Variants in NUP98 observed in about 807,000 individuals in gnomAD.
NUP98 encodes nuclear pore complex protein Nup98-Nup96.
A neutral mutation model predicts 191.9 loss-of-function variants in NUP98; 26 were observed. The observed-to-expected ratio is 0.14, with a 90% CI of 0.10 to 0.19. The LOEUF is 0.19. NUP98 is among the 10% of genes least tolerant of loss of function. NUP98 has a pLI of 1.00. For missense variants in NUP98, 1,941 were observed against 2,178.8 expected (o/e 0.89, Z 2.17); for synonymous variants, 808 against 778.4 (o/e 1.04, Z -0.63).
At chr11:3,677,485 T>A (rs1035227300) in intron 31 of NUP98, among the ~76,000 whole-genome samples, 4 of 147,782 alleles carry the variant, frequency 2.7e-5, no homozygotes, top group Non-Finnish European at 4.5e-5. Context: ...TCCTCCTGCC[T>A]CAGCCTCCCA....
At chr11:3,784,617 G>A (rs1233953243) in intron 1 of NUP98, among the ~76,000 whole-genome samples, 1 of 150,336 alleles carries the variant, frequency 6.7e-6, no homozygotes, top group African/African-American at 2.5e-5. Context: ...AAAAAACATG[G>A]TGCACACCTG....
chr11:3,725,883 C>G (rs2079600803), intron 14 of NUP98, among the ~76,000 whole-genome samples: 1 of 152,198 alleles, frequency 6.6e-6, no homozygotes. Context: ...AATCGCTGAT[C>G]ATGGCTCACT....
intron 12 of NUP98, among the ~76,000 whole-genome samples, chr11:3,740,927 T>C (rs2080261799): frequency 6.6e-6 from 1 of 151,870 alleles, no homozygotes; most frequent in East Asian, 1.9e-4. Context: ...CAAGCGATTC[T>C]CCCGCCTCAG....
chr11:3,690,286 G>T (rs1474027934), intron 28 of NUP98, among the ~76,000 whole-genome samples: 1 of 144,116 alleles, frequency 6.9e-6, no homozygotes, highest in Admixed American at 7.1e-5. Flanking sequence ...TTGAGACAGA[G>T]TCTTGCTGTG....
chr11:3,676,858 C>T lies in NUP98; in HGVS notation c.5074-238G>A, dbSNP rs16929828. 9.6e-3 allele frequency: 5,889 copies of T among 614,668 alleles called. 285 individuals are homozygous for T. The highest frequency in any genetic ancestry group is 0.096 in the African/African-American group (5,251 of 54,870). 38.1% of individuals were successfully genotyped at this position (614,668 alleles called of 1,614,324 possible). A position where few individuals can be genotyped will look rare whatever the true frequency, so the allele number is the denominator to read the frequency against. On this transcript the variant is annotated intron_variant, in intron 31 of 32. Transcript: ENST00000324932. ...CTTGGACTAGGAAAAGTCTTGAGAT[C>T]CCGAACTATACAGCAAGCTTTAATA...
intron 22 of NUP98, among the ~76,000 whole-genome samples, chr11:3,704,183 A>G (rs2078792064): frequency 6.6e-6 from 1 of 152,254 alleles, no homozygotes; most frequent in Non-Finnish European, 1.5e-5. Flanking sequence ...GAAGTTAAAA[A>G]TATTTTTAAA....
At chr11:3,728,407 T>C (rs1366511483) in intron 14 of NUP98, among the ~76,000 whole-genome samples, 1 of 152,180 alleles carries the variant, frequency 6.6e-6, no homozygotes, top group Admixed American at 6.5e-5. Context: ...GTGATAGCAA[T>C]GTTTAGAATC....
intron 16 of NUP98, among the ~76,000 whole-genome samples, chr11:3,722,329 T>A (rs530763569): frequency 8.6e-5 from 13 of 151,954 alleles, no homozygotes; most frequent in Middle Eastern, 3.4e-3. Context: ...TTGCCCAGAC[T>A]GATTTCAAAC....
intron 1 of NUP98, among the ~76,000 whole-genome samples, chr11:3,790,388 G>C (rs942544629): frequency 6.6e-6 from 1 of 152,134 alleles, no homozygotes; most frequent in African/African-American, 2.4e-5. Context: ...AGCAGCTTAG[G>C]GCTCTATGAA....
chr11:3,776,070 A>G, intron 4 of NUP98, 49 bp from the exon 5 acceptor site: 1 of 1,424,594 alleles, frequency 7.0e-7, no homozygotes, highest in Non-Finnish European at 9.8e-7. Context: ...AAATTTAAGA[A>G]TGTATAAGAT....
intron 27 of NUP98, 103 bp downstream of exon 27, chr11:3,693,129 G>C: frequency 9.0e-7 from 1 of 1,108,994 alleles, no homozygotes; most frequent in Non-Finnish European, 1.3e-6. Context: ...TCCAGAGGAA[G>C]GAGTAAAGGA....
chr11:3,705,093 G>T, intron 22 of NUP98, 107 bp downstream of exon 22: 2 of 986,426 alleles, frequency 2.0e-6, no homozygotes, highest in Non-Finnish European at 3.1e-6. Context: ...ATAGTTGTTT[G>T]GCAGATACTT....
At chr11:3,716,238 G>A (rs1463833946) in intron 18 of NUP98, among the ~76,000 whole-genome samples, 1 of 151,928 alleles carries the variant, frequency 6.6e-6, no homozygotes, top group Non-Finnish European at 1.5e-5. Flanking sequence ...TATCCATTTT[G>A]GGTTAATCTT....
At chr11:3,721,671 C>T (rs2079405313) in intron 16 of NUP98, among the ~76,000 whole-genome samples, 1 of 151,728 alleles carries the variant, frequency 6.6e-6, no homozygotes, top group Non-Finnish European at 1.5e-5. Flanking sequence ...TGCACTCCAG[C>T]CTGGGCAACC....
intron 6 of NUP98, 87 bp from the exon 7 acceptor site, chr11:3,772,015 A>T (rs899508965): frequency 8.9e-7 from 1 of 1,128,368 alleles, no homozygotes; most frequent in Admixed American, 2.4e-5. Flanking sequence ...TTAGTATTCA[A>T]GTTCTATGTT....
chr11:3,677,039 G>A (rs1285580417), intron 31 of NUP98, among the ~76,000 whole-genome samples: 1 of 152,184 alleles, frequency 6.6e-6, no homozygotes, highest in Non-Finnish European at 1.5e-5. Context: ...AAAAAGCTGT[G>A]TGCAGGGGGC....
At chr11:3,725,365 A>G (rs1447844607) in intron 14 of NUP98, 146 bp from the exon 15 acceptor site, 1 of 547,322 alleles carries the variant, frequency 1.8e-6, no homozygotes, top group Non-Finnish European at 3.3e-6. Context: ...TTTCATTTAT[A>G]AACGCTTCCT....
At chr11:3,717,416 GTTAAGT>G (rs1225993825) in intron 18 of NUP98, among the ~76,000 whole-genome samples, 6 of 151,960 alleles carry the variant, frequency 3.9e-5, no homozygotes, top group Non-Finnish European at 7.4e-5. Flanking sequence ...TACCTCCCTG[GTTAAGT>G]TTATTTGTGT....
At chr11:3,750,773 G>C (rs116321587) in intron 11 of NUP98, among the ~76,000 whole-genome samples, 12 of 152,034 alleles carry the variant, frequency 7.9e-5, no homozygotes, top group Admixed American at 6.6e-4. Context: ...TGAGTAGCTA[G>C]GACTACAGGC....
Sources: allele counts gnomAD v4.1 joint callset (sites outside exome capture counted in the v4.1 genomes callset), GRCh38; gene constraint gnomAD v4.1.1; transcripts MANE v1.5; gene names NCBI Gene and HGNC (gene_info 2026-07-23, HGNC 2026-07-21).